NBEA: variants seen among roughly 807,000 people sequenced by gnomAD.
NBEA encodes lysosomal-trafficking regulator 2.
Under a neutral mutation model 343.4 loss-of-function variants are expected in NBEA, and 44 were observed. That is an observed-to-expected ratio of 0.13 (90% CI 0.10 to 0.16). The LOEUF (loss-of-function observed/expected upper bound fraction) is 0.16, where lower values mean the gene tolerates loss of function less well. Ranked by LOEUF, NBEA falls within the 10% of genes least tolerant of loss-of-function variation. NBEA has a pLI of 1.00. For synonymous variants in NBEA, 1,175 were observed against 1,238.7 expected (o/e 0.95, Z 1.08); for missense variants, 2,555 against 3,631.3 (o/e 0.70, Z 7.62).
At chr13:35,475,497 C>T (rs140025297) in intron 41 of NBEA, 74 of 1,612,374 alleles carry the variant, frequency 4.6e-5, no homozygotes, top group Non-Finnish European at 6.0e-5. Flanking sequence ...AGGAGTGGCA[C>T]TCCTTGGACA....
chr13:35,033,609 TAAC>T (rs1309959154), intron 1 of NBEA, among the ~76,000 whole-genome samples: 1 of 152,002 alleles, frequency 6.6e-6, no homozygotes, highest in African/African-American at 2.4e-5. Context: ...GTGGATATTT[TAAC>T]AATACTGATT....
At chr13:35,167,169 G>A (rs2152718693) in intron 24 of NBEA, among the ~76,000 whole-genome samples, 1 of 152,022 alleles carries the variant, frequency 6.6e-6, no homozygotes, top group African/African-American at 2.4e-5. Flanking sequence ...AGGTTTCATT[G>A]GCAGTATTGT....
chr13:35,208,860 G>A lies in NBEA; in HGVS notation c.5521+6G>A, dbSNP rs772547175. The A allele has an allele frequency of 4.4e-5, 67 of 1,521,748 alleles. No homozygotes were observed. Among genetic ancestry groups the A allele is most frequent in the Non-Finnish European group, 4.3e-5 (48 of 1,123,666 alleles). The allele number at this position is 1,521,748 out of a possible 1,614,324, so 94.3% of individuals were successfully genotyped here. A position where few individuals can be genotyped will look rare whatever the true frequency, so the allele number is the denominator to read the frequency against. ...AAGTATGATTAATACAACAGGTATT[G>A]TACTTACATATTTTTGTGATACTCA... On this transcript the variant is annotated splice_donor_region_variant and intron_variant, in intron 32 of 58. Coordinates refer to ENST00000379939, the MANE Select transcript of NBEA (RefSeq NM_001385012.1).
chr13:35,317,274 T>A (rs1819170204), intron 36 of NBEA, among the ~76,000 whole-genome samples: 1 of 152,172 alleles, frequency 6.6e-6, no homozygotes, highest in African/African-American at 2.4e-5. Context: ...TTGAGTTAAT[T>A]TTTGTATAAG....
intron 55 of NBEA, among the ~76,000 whole-genome samples, chr13:35,661,411 G>A (rs2153085029): frequency 6.6e-6 from 1 of 152,300 alleles, no homozygotes; most frequent in South Asian, 2.1e-4. Flanking sequence ...AAAGAAGTTA[G>A]AATGAATGAA....
At chr13:35,619,117 A>AT (rs2082866785) in intron 48 of NBEA, among the ~76,000 whole-genome samples, 1 of 151,236 alleles carries the variant, frequency 6.6e-6, no homozygotes, top group Non-Finnish European at 1.5e-5. Context: ...TTTGGGGTAT[A>AT]ATCTACTTTT....
intron 1 of NBEA, among the ~76,000 whole-genome samples, chr13:35,007,279 T>C (rs1268539518): frequency 3.3e-5 from 5 of 152,122 alleles, no homozygotes; most frequent in South Asian, 2.1e-4. Flanking sequence ...CATCCTTTTT[T>C]CCCCCCTCTG....
chr13:35,589,768 G>T (rs1306834197), intron 46 of NBEA, among the ~76,000 whole-genome samples: 1 of 152,062 alleles, frequency 6.6e-6, no homozygotes, highest in African/African-American at 2.4e-5. Flanking sequence ...AGGGGACTAA[G>T]GGGTATGATA....
chr13:35,612,675 AGTGT>A (rs2082577585), intron 48 of NBEA, among the ~76,000 whole-genome samples: 1 of 152,198 alleles, frequency 6.6e-6, no homozygotes, highest in East Asian at 1.9e-4. Flanking sequence ...TCCCCTAGAC[AGTGT>A]TATACCCCAA....
intron 1 of NBEA, among the ~76,000 whole-genome samples, chr13:34,967,396 TAAG>T (rs2059857659): frequency 2.0e-5 from 3 of 151,862 alleles, no homozygotes; most frequent in Non-Finnish European, 2.9e-5. Flanking sequence ...AAGTAGTAGA[TAAG>T]AAGCACTGCA....
intron 35 of NBEA, among the ~76,000 whole-genome samples, chr13:35,293,779 A>G (rs530189673): frequency 1.3e-4 from 20 of 152,112 alleles, no homozygotes; most frequent in Non-Finnish European, 2.4e-4. Context: ...GGAAGTCTCC[A>G]TAAGATATAC....
rs200351706 is a variant in NBEA, at chr13:34,961,178, ATTGT to A, written c.294+18067_294+18070del. ...AGATTAGAGCGGTATTAGTGGGAAG[ATTGT>A]TTATGGGAATAAAATTTAATAATTA... On this transcript the variant is annotated intron_variant, in intron 1 of 58. Coordinates refer to ENST00000379939, the MANE Select transcript of NBEA (RefSeq NM_001385012.1). 9.0e-3 allele frequency among the ~76,000 whole-genome samples: 1,376 copies of A among 152,190 alleles called. 23 individuals are homozygous for A. The highest frequency in any genetic ancestry group is 0.031 in the African/African-American group (1,300 of 41,548).
chr13:35,111,614 C>G (rs1343312461), intron 13 of NBEA, among the ~76,000 whole-genome samples: 1 of 151,792 alleles, frequency 6.6e-6, no homozygotes, highest in Non-Finnish European at 1.5e-5. Context: ...CTATGTTGTT[C>G]TTTTCTCAGC....
intron 48 of NBEA, among the ~76,000 whole-genome samples, chr13:35,611,125 AAC>A (rs915511934): frequency 1.3e-5 from 2 of 152,024 alleles, no homozygotes; most frequent in African/African-American, 4.8e-5. Context: ...GCTGGTACAA[AAC>A]AGTTTGGTTG....
rs559983604 is a variant in NBEA, at chr13:35,400,913, G to A, written c.6180-31356G>A. ...TTCTTTTTCAGAGTGGCTGTACTCC[G>A]AGGTTAAGTAGCCCTGCTTTCCTCG... On this transcript the variant is annotated intron_variant, in intron 38 of 58. Transcript: ENST00000379939. Among the ~76,000 whole-genome samples, 170 of 151,660 alleles carry A rather than the reference G, an allele frequency of 1.1e-3. 1 individual carries two copies. Among genetic ancestry groups the A allele is most frequent in the South Asian group, 2.1e-3 (10 of 4,804 alleles).
chr13:35,134,230 C>G (rs945429297), intron 17 of NBEA, among the ~76,000 whole-genome samples: 6 of 151,848 alleles, frequency 4.0e-5, no homozygotes, highest in Non-Finnish European at 8.8e-5. Context: ...ATATCTCTCT[C>G]AGAATGGGAC....
At chr13:35,038,750 C>T (rs139097186) in intron 1 of NBEA, among the ~76,000 whole-genome samples, 187 of 152,154 alleles carry the variant, frequency 1.2e-3, no homozygotes, top group Middle Eastern at 0.01. Flanking sequence ...AAGACAAACT[C>T]CTCCCCACTC....
intron 33 of NBEA, among the ~76,000 whole-genome samples, chr13:35,211,881 A>G (rs913319643): frequency 9.9e-5 from 15 of 152,086 alleles, no homozygotes; most frequent in Non-Finnish European, 2.1e-4. Flanking sequence ...ATAAATCTAC[A>G]ATGTTATATA....
chr13:35,625,203 T>C (rs2083168853), intron 48 of NBEA, among the ~76,000 whole-genome samples: 1 of 152,190 alleles, frequency 6.6e-6, no homozygotes, highest in African/African-American at 2.4e-5. Context: ...AAACATGATT[T>C]GATGATCTCA....
Sources: allele counts gnomAD v4.1 joint callset (sites outside exome capture counted in the v4.1 genomes callset), GRCh38; gene constraint gnomAD v4.1.1; transcripts MANE v1.5; gene names NCBI Gene and HGNC (gene_info 2026-07-23, HGNC 2026-07-21).